Variants in KLF8 observed in about 807,000 individuals in gnomAD.
KLF8 encodes Krueppel-like factor 8.
KLF8 carries 10 observed loss-of-function variants against 18.2 expected under a neutral mutation model. The observed-to-expected ratio is 0.55, with a 90% CI of 0.34 to 0.93. The LOEUF is 0.93. Among genes scored for constraint, KLF8 ranks in the 40% least tolerant of loss-of-function variants. The pLI is 0.02. For synonymous variants in KLF8, 109 were observed against 97.3 expected, an observed-to-expected ratio of 1.12 and a Z score of -0.71; for missense variants, 264 against 277.9, an observed-to-expected ratio of 0.95 and a Z score of 0.36.
At chrX:56,012,144 C>G in the KLF8 span, among the ~76,000 whole-genome samples, 5 of 111,625 alleles carry the variant, frequency 4.5e-5, no homozygotes, top group African/African-American at 1.6e-4. Context: ...AGCAGATATA[C>G]AACAAAAAAC....
chrX:55,996,150 A>C, the KLF8 span, among the ~76,000 whole-genome samples: 3 of 111,696 alleles, frequency 2.7e-5, no homozygotes, highest in African/African-American at 6.5e-5. Flanking sequence ...AGCTTGGTCT[A>C]TTCTGCTGGT....
At chrX:56,200,039 A>G in the KLF8 span, among the ~76,000 whole-genome samples, 3 of 111,325 alleles carry the variant, frequency 2.7e-5, no homozygotes, top group Non-Finnish European at 5.7e-5. Context: ...CAATGAGATC[A>G]CTTGGACACA....
upstream of KLF8, among the ~76,000 whole-genome samples, chrX:56,228,002 T>C (rs917082974): frequency 9.0e-6 from 1 of 111,206 alleles, no homozygotes; most frequent in Non-Finnish European, 1.9e-5. Context: ...AGAGCTTGTC[T>C]GGGATGGTGC....
the KLF8 span, among the ~76,000 whole-genome samples, chrX:56,142,970 A>G: frequency 8.9e-6 from 1 of 111,905 alleles, no homozygotes; most frequent in African/African-American, 3.2e-5. Flanking sequence ...GCCTAACGTG[A>G]CACTTTAAAA....
At position 56,246,742 on chromosome X, in the gene KLF8, C is replaced by G. The variant is rs947845671; in HGVS notation, c.8-3489C>G. On this transcript the variant is annotated intron_variant, in intron 1 of 5. Transcript: ENST00000468660. ...GCAGGAGAATTATTATAGCTGATAA[C>G]CAACTGGCTGAAGATAGGGAGAGAG... Among the ~76,000 whole-genome samples the G allele has an allele frequency of 7.2e-5, 8 of 111,489 alleles. 1 individual carries two copies. Among genetic ancestry groups the G allele is most frequent in the Admixed American group, 6.7e-4 (7 of 10,450 alleles).
chrX:56,175,894 T>C, the KLF8 span, among the ~76,000 whole-genome samples: 1 of 111,514 alleles, frequency 9.0e-6, no homozygotes, highest in East Asian at 2.8e-4. Flanking sequence ...GTTTAAAGTT[T>C]GTTTTATCAG....
At chrX:56,177,819 C>A in the KLF8 span, among the ~76,000 whole-genome samples, 1 of 111,826 alleles carries the variant, frequency 8.9e-6, no homozygotes, top group African/African-American at 3.3e-5. Context: ...CCTCCCCCAG[C>A]CTCACTGCCA....
chrX:56,220,673 G>C, the KLF8 span, among the ~76,000 whole-genome samples: 2 of 110,441 alleles, frequency 1.8e-5, no homozygotes, highest in African/African-American at 6.6e-5. Context: ...ATTTTTAGTA[G>C]AGACCGGTTT....
At chrX:56,172,676 G>C in the KLF8 span, among the ~76,000 whole-genome samples, 5 of 111,858 alleles carry the variant, frequency 4.5e-5, no homozygotes, top group African/African-American at 1.6e-4. Flanking sequence ...CTGAGGAATC[G>C]CCACACTGAC....
the KLF8 span, among the ~76,000 whole-genome samples, chrX:55,936,070 A>T: frequency 1.8e-5 from 2 of 112,467 alleles, no homozygotes; most frequent in Non-Finnish European, 3.8e-5. Flanking sequence ...ATTCTTTTTC[A>T]AATAATCTAC....
chrX:56,262,382 G>A (rs2066893699), intron 2 of KLF8, among the ~76,000 whole-genome samples: 1 of 111,805 alleles, frequency 8.9e-6, no homozygotes, highest in Admixed American at 9.5e-5. Flanking sequence ...TGCAGATCAA[G>A]TATCAGCTAA....
the KLF8 span, among the ~76,000 whole-genome samples, chrX:55,932,068 A>G: frequency 1.8e-5 from 2 of 110,860 alleles, no homozygotes; most frequent in Admixed American, 9.6e-5. Context: ...GGGTGTATAT[A>G]TATGTAGGAT....
At chrX:56,090,352 AATG>A in the KLF8 span, among the ~76,000 whole-genome samples, 2 of 111,802 alleles carry the variant, frequency 1.8e-5, no homozygotes, top group Non-Finnish European at 3.8e-5. Flanking sequence ...TTACCTAGTG[AATG>A]ATGTCTGGTT....
chrX:56,265,999 A>G, intron 3 of KLF8: 1 of 886,093 alleles, frequency 1.1e-6, no homozygotes. Flanking sequence ...TGGAACTTCC[A>G]CATTATTTGA....
At chrX:56,169,576 G>C in the KLF8 span, among the ~76,000 whole-genome samples, 1 of 111,647 alleles carries the variant, frequency 9.0e-6, no homozygotes, top group African/African-American at 3.3e-5. Context: ...CTGTGATGGT[G>C]GTAGCCATGG....
the KLF8 span, among the ~76,000 whole-genome samples, chrX:56,095,042 A>T: frequency 9.0e-6 from 1 of 111,625 alleles, no homozygotes; most frequent in Non-Finnish European, 1.9e-5. Flanking sequence ...CTGAATAGCC[A>T]AAGCAATCTT....
chrX:55,929,721 G>C, the KLF8 span, among the ~76,000 whole-genome samples: 2 of 111,010 alleles, frequency 1.8e-5, no homozygotes, highest in Non-Finnish European at 3.8e-5. Context: ...TGTTCCATTG[G>C]TCTATATATC....
the KLF8 span, among the ~76,000 whole-genome samples, chrX:56,091,350 C>T: frequency 9.0e-6 from 1 of 110,908 alleles, no homozygotes; most frequent in African/African-American, 3.3e-5. Context: ...TTTAAGTTTC[C>T]TGAGGCCTCC....
At chrX:56,011,519 C>T in the KLF8 span, among the ~76,000 whole-genome samples, 3 of 111,463 alleles carry the variant, frequency 2.7e-5, no homozygotes, top group Non-Finnish European at 5.7e-5. Context: ...AAGAGCTCAA[C>T]TTATCAAACT....
Sources: allele counts gnomAD v4.1 joint callset (sites outside exome capture counted in the v4.1 genomes callset), GRCh38; gene constraint gnomAD v4.1.1; transcripts MANE v1.5; gene names NCBI Gene and HGNC (gene_info 2026-07-23, HGNC 2026-07-21).